The following FNDC3B variants were observed in gnomAD, a reference collection of about 807,000 sequenced individuals.
The protein encoded by FNDC3B is fibronectin type III domain-containing protein 3B.
A neutral mutation model predicts 151.5 loss-of-function variants in FNDC3B; 12 were observed. The observed-to-expected ratio is 0.08, with a 90% CI of 0.05 to 0.13. The LOEUF (loss-of-function observed/expected upper bound fraction) is 0.13. FNDC3B is among the 10% of genes least tolerant of loss of function. The probability of loss-of-function intolerance (pLI) is 1.00; values close to 1 mark genes in which losing one functional copy is unlikely to be tolerated. For synonymous variants in FNDC3B, 528 were observed against 549.0 expected, an observed-to-expected ratio of 0.96 and a Z score of 0.54; for missense variants, 1,214 against 1,505.3, an observed-to-expected ratio of 0.81 and a Z score of 3.20.
chr3:172,284,058 G>T (rs772988301), intron 6 of FNDC3B, among the ~76,000 whole-genome samples: 43 of 152,224 alleles, frequency 2.8e-4, no homozygotes, highest in Non-Finnish European at 5.4e-4. Flanking sequence ...GTTTGGAGTG[G>T]TGCCAACTAC....
At chr3:172,192,280 C>T (rs1311108758) in intron 3 of FNDC3B, among the ~76,000 whole-genome samples, 2 of 150,042 alleles carry the variant, frequency 1.3e-5, no homozygotes, top group Non-Finnish European at 3.0e-5. Flanking sequence ...ACAAGCGATT[C>T]TCCTGCCTCA....
rs185926604 is a variant in FNDC3B, at chr3:172,077,038, C to T, written c.-28-35414C>T. On this transcript the variant is annotated intron_variant, in intron 1 of 25. Transcript: ENST00000415807. Reference sequence around the variant, plus strand: ...AATCTGCATAATGAAATTATATAAACGAGTGATCAAATCACATAATAAGTA... The same window carrying T: ...AATCTGCATAATGAAATTATATAAATGAGTGATCAAATCACATAATAAGTA... 2.3e-4 allele frequency among the ~76,000 whole-genome samples: 35 copies of T among 151,910 alleles called. 1 individual carries two copies. Among genetic ancestry groups the T allele is most frequent in the African/African-American group, 7.2e-4 (30 of 41,448 alleles).
At position 172,381,200 on chromosome 3, in the gene FNDC3B, G is replaced by C. The variant is rs1220078321; in HGVS notation, c.3303+107G>C. ...GAACTATGTTTTTCTTAAAATCAGT[G>C]ATAGAAACTGCCTAACTTGTACTTA... is the stretch of plus-strand genomic sequence containing the variant. On this transcript the variant is annotated intron_variant, in intron 25 of 25. Coordinates refer to ENST00000415807, the MANE Select transcript of FNDC3B (RefSeq NM_022763.4). 16 of 1,256,746 alleles carry C rather than the reference G, an allele frequency of 1.3e-5. No homozygotes were observed. In the African/African-American group the frequency reaches 1.9e-4, roughly 15 times the overall value. The allele number at this position is 1,256,746 out of a possible 1,614,324, so 77.8% of individuals were successfully genotyped here. A position where few individuals can be genotyped will look rare whatever the true frequency, so the allele number is the denominator to read the frequency against.
chr3:172,296,609 C>T (rs1397090665), intron 8 of FNDC3B, among the ~76,000 whole-genome samples: 1 of 152,188 alleles, frequency 6.6e-6, no homozygotes, highest in Non-Finnish European at 1.5e-5. Flanking sequence ...AGGGATTCCC[C>T]ACTGTATTTA....
chr3:172,065,645 A>G (rs1717460931), intron 1 of FNDC3B, among the ~76,000 whole-genome samples: 1 of 152,260 alleles, frequency 6.6e-6, no homozygotes, highest in Non-Finnish European at 1.5e-5. Flanking sequence ...TTGGCTGTGC[A>G]TTAGCAACGT....
chr3:172,137,962 A>G (rs776102158), intron 3 of FNDC3B, among the ~76,000 whole-genome samples: 10 of 152,240 alleles, frequency 6.6e-5, no homozygotes, highest in Non-Finnish European at 1.3e-4. Context: ...GCTTCAGTTC[A>G]GGAATTAATA....
chr3:172,040,193 G>T lies in FNDC3B; in HGVS notation c.-29+422G>T, dbSNP rs1441099387. Among the ~76,000 whole-genome samples, 1 of 152,234 alleles carries T rather than the reference G, an allele frequency of 6.6e-6. No homozygotes were observed. The highest frequency in any genetic ancestry group is 2.4e-5 in the African/African-American group (1 of 41,454). On this transcript the variant is annotated intron_variant, in intron 1 of 25. Transcript: ENST00000415807. This position sits in a 1 kb window ranked among gnomAD's most constrained non-coding sequence, Gnocchi z 6.6. Reference sequence around the variant, plus strand: ...TCCGCGGCAGGAACGCTGCCCAGGAGGGGGAGGGCGGGCGGCGAGGCCGAG... The same window carrying T: ...TCCGCGGCAGGAACGCTGCCCAGGATGGGGAGGGCGGGCGGCGAGGCCGAG...
At chr3:172,254,895 T>C (rs572281326) in intron 6 of FNDC3B, among the ~76,000 whole-genome samples, 5 of 152,360 alleles carry the variant, frequency 3.3e-5, no homozygotes, top group African/African-American at 1.2e-4. Flanking sequence ...TAGTTTTCCC[T>C]GAATTTCCAT....
At chr3:172,383,529 G>C (rs1009025278) in intron 25 of FNDC3B, among the ~76,000 whole-genome samples, 1 of 152,218 alleles carries the variant, frequency 6.6e-6, no homozygotes, top group South Asian at 2.1e-4. Context: ...GAAGCTCTAA[G>C]TCATGCATGT....
At chr3:172,128,172 C>T (rs1720899038) in intron 2 of FNDC3B, among the ~76,000 whole-genome samples, 1 of 152,132 alleles carries the variant, frequency 6.6e-6, no homozygotes, top group Admixed American at 6.5e-5. Flanking sequence ...CTTAGGTCCC[C>T]TTGGAGGCTT....
intron 19 of FNDC3B, among the ~76,000 whole-genome samples, chr3:172,344,695 A>C (rs1314562503): frequency 1.3e-5 from 2 of 152,202 alleles, no homozygotes; most frequent in African/African-American, 4.8e-5. Flanking sequence ...CAGGGACACC[A>C]GCTTGTTTTT....
chr3:172,047,391 G>A (rs1716416858), intron 1 of FNDC3B, among the ~76,000 whole-genome samples: 1 of 152,168 alleles, frequency 6.6e-6, no homozygotes, highest in Non-Finnish European at 1.5e-5. Flanking sequence ...GCAAGGCTAG[G>A]ATAAAGTTTG....
intron 3 of FNDC3B, among the ~76,000 whole-genome samples, chr3:172,156,419 A>G (rs1027031785): frequency 3.3e-5 from 5 of 152,170 alleles, no homozygotes; most frequent in Admixed American, 3.3e-4. Flanking sequence ...TCTTGGATGG[A>G]GGCAAGAGGA....
chr3:172,156,793 A>G (rs1722509362), intron 3 of FNDC3B, among the ~76,000 whole-genome samples: 1 of 152,076 alleles, frequency 6.6e-6, no homozygotes, highest in Admixed American at 6.5e-5. Context: ...TTGATGTGGA[A>G]ATGAACCGTA....
At chr3:172,377,298 A>G (rs927398891) in intron 23 of FNDC3B, among the ~76,000 whole-genome samples, 3 of 152,218 alleles carry the variant, frequency 2.0e-5, no homozygotes, top group African/African-American at 7.2e-5. Context: ...TAACTTATGT[A>G]GTGGTTCTCA....
At chr3:172,247,817 AT>A in intron 5 of FNDC3B, 41 bp downstream of exon 5, 1 of 1,603,632 alleles carries the variant, frequency 6.2e-7, no homozygotes, top group Non-Finnish European at 8.5e-7. Context: ...GTTGAAACTG[AT>A]TACAGCGTTT....
chr3:172,171,321 A>G (rs910647066), intron 3 of FNDC3B, among the ~76,000 whole-genome samples: 4 of 152,218 alleles, frequency 2.6e-5, no homozygotes, highest in South Asian at 2.1e-4. Flanking sequence ...GTTTTATGTC[A>G]TTTACAGTCT....
At chr3:172,145,309 A>G (rs1390229498) in intron 3 of FNDC3B, among the ~76,000 whole-genome samples, 1 of 152,230 alleles carries the variant, frequency 6.6e-6, no homozygotes, top group African/African-American at 2.4e-5. Flanking sequence ...GGGAGTAAAA[A>G]AAAGAGTGGA....
chr3:172,347,908 A>T (rs952212178), intron 21 of FNDC3B, among the ~76,000 whole-genome samples: 10 of 152,184 alleles, frequency 6.6e-5, no homozygotes, highest in Non-Finnish European at 1.5e-4. Context: ...CATCAAGAAA[A>T]ATTGGTTCAT....
Sources: gnomAD v4.1 joint callset for allele counts (sites outside exome capture counted in the v4.1 genomes callset) on GRCh38, gnomAD v4.1.1 for gene constraint, Gnocchi (gnomAD v3.1) non-coding constraint, MANE v1.5 for transcripts, NCBI Gene and HGNC (gene_info 2026-07-23, HGNC 2026-07-21) for gene names.